DPP10: variants seen among roughly 807,000 people sequenced by gnomAD.
The protein encoded by DPP10 is dipeptidyl peptidase like 10.
A neutral mutation model predicts 120.9 loss-of-function variants in DPP10; 33 were observed. The ratio of observed to expected loss-of-function variants is 0.27; its 90% CI spans 0.21 to 0.37. The LOEUF (loss-of-function observed/expected upper bound fraction) is 0.37, where lower values mean the gene tolerates loss of function less well. DPP10 is among the 10% of genes least tolerant of loss of function. The pLI is 1.00. For missense variants in DPP10, 816 were observed against 942.8 expected, an observed-to-expected ratio of 0.87 and a Z score of 1.76; for synonymous variants, 337 against 326.1, an observed-to-expected ratio of 1.03 and a Z score of -0.36.
intron 1 of DPP10, among the ~76,000 whole-genome samples, chr2:115,256,157 C>A (rs1192923038): frequency 1.3e-5 from 2 of 152,104 alleles, no homozygotes; most frequent in African/African-American, 2.4e-5. Context: ...AGGAAACTTA[C>A]AATCATGATG....
chr2:114,563,098 G>A (rs1476435283), intron 1 of DPP10, among the ~76,000 whole-genome samples: 7 of 152,234 alleles, frequency 4.6e-5, no homozygotes, highest in Non-Finnish European at 1.0e-4. Flanking sequence ...AACTGGCTGG[G>A]CGCAGTGGCT....
chr2:114,673,419 CTTTTTCT>C (rs1031600585), intron 1 of DPP10, among the ~76,000 whole-genome samples: 1 of 151,936 alleles, frequency 6.6e-6, no homozygotes, highest in Non-Finnish European at 1.5e-5. Context: ...TTTTTATTAC[CTTTTTCT>C]TTTTTCTTTT....
chr2:115,833,944 G>C (rs1689185910), intron 21 of DPP10, among the ~76,000 whole-genome samples: 2 of 151,958 alleles, frequency 1.3e-5, no homozygotes, highest in East Asian at 1.9e-4. Context: ...TCTTTCTTAG[G>C]TAGGTTAATA....
At chr2:114,545,684 A>G (rs974394433) in intron 1 of DPP10, among the ~76,000 whole-genome samples, 3 of 152,158 alleles carry the variant, frequency 2.0e-5, no homozygotes, top group Non-Finnish European at 4.4e-5. Context: ...TACCCACTCT[A>G]TAAAGTCTGT....
intron 1 of DPP10, among the ~76,000 whole-genome samples, chr2:115,137,120 G>T (rs963738583): frequency 1.3e-5 from 2 of 152,166 alleles, no homozygotes; most frequent in Admixed American, 6.6e-5. Context: ...GTGGGAAGAG[G>T]AGGTCATCTG....
chr2:114,685,159 T>G (rs1699280724), intron 1 of DPP10, among the ~76,000 whole-genome samples: 1 of 151,982 alleles, frequency 6.6e-6, no homozygotes, highest in Admixed American at 6.6e-5. Flanking sequence ...TGATTCCTCT[T>G]TCTCTTCCTA....
intron 1 of DPP10, among the ~76,000 whole-genome samples, chr2:114,487,273 A>T (rs1681597019): frequency 6.6e-6 from 1 of 152,214 alleles, no homozygotes; most frequent in African/African-American, 2.4e-5. Flanking sequence ...TTTGCATGCA[A>T]ATAAATAATA....
intron 1 of DPP10, among the ~76,000 whole-genome samples, chr2:114,984,009 G>A (rs1352309113): frequency 6.6e-6 from 1 of 152,074 alleles, no homozygotes; most frequent in Non-Finnish European, 1.5e-5. Flanking sequence ...AAATGGTATG[G>A]GTGCTTAGAA....
At chr2:115,676,237 A>G (rs1336972252) in intron 5 of DPP10, among the ~76,000 whole-genome samples, 2 of 152,214 alleles carry the variant, frequency 1.3e-5, no homozygotes, top group African/African-American at 4.8e-5. Context: ...ATAATCACAG[A>G]ATGGCCACAA....
chr2:114,503,660 AG>A (rs1683392103), intron 1 of DPP10, among the ~76,000 whole-genome samples: 1 of 152,190 alleles, frequency 6.6e-6, no homozygotes, highest in Non-Finnish European at 1.5e-5. Context: ...CAAGAAGGGA[AG>A]GGGGTTGGAT....
intron 1 of DPP10, among the ~76,000 whole-genome samples, chr2:114,970,723 T>C (rs1315947967): frequency 6.6e-6 from 1 of 152,180 alleles, no homozygotes; most frequent in African/African-American, 2.4e-5. Flanking sequence ...CTAAATAAAT[T>C]AGGATTTAAC....
At chr2:114,639,801 A>C (rs898569239) in intron 1 of DPP10, among the ~76,000 whole-genome samples, 1 of 151,984 alleles carries the variant, frequency 6.6e-6, no homozygotes, top group African/African-American at 2.4e-5. Context: ...TTACCTTAAC[A>C]TAGATTGTTT....
At chr2:115,383,186 A>C (rs1432770131) in intron 3 of DPP10, among the ~76,000 whole-genome samples, 2 of 152,268 alleles carry the variant, frequency 1.3e-5, no homozygotes, top group Non-Finnish European at 2.9e-5. Context: ...CCCAAATCTC[A>C]TCTTGAATCC....
At chr2:115,327,331 T>G (rs895889713) in intron 2 of DPP10, among the ~76,000 whole-genome samples, 1 of 152,062 alleles carries the variant, frequency 6.6e-6, no homozygotes, top group Admixed American at 6.6e-5. Context: ...TCCCTGTCAT[T>G]TAGTGACATG....
intron 3 of DPP10, among the ~76,000 whole-genome samples, chr2:115,485,520 T>A (rs1264436817): frequency 6.6e-6 from 1 of 152,146 alleles, no homozygotes; most frequent in Non-Finnish European, 1.5e-5. Flanking sequence ...TTTAATGTTG[T>A]TTCTGTTTAA....
At chr2:115,700,086 G>T (rs938931272) in intron 7 of DPP10, among the ~76,000 whole-genome samples, 2 of 152,158 alleles carry the variant, frequency 1.3e-5, no homozygotes, top group Non-Finnish European at 2.9e-5. Context: ...AGCAGAGGAA[G>T]GGGGTGAGAG....
chr2:115,134,904 A>C (rs1238810188), intron 1 of DPP10, among the ~76,000 whole-genome samples: 1 of 152,174 alleles, frequency 6.6e-6, no homozygotes, highest in Non-Finnish European at 1.5e-5. Flanking sequence ...CTGGGAGAGA[A>C]TCAGCAAGAG....
intron 1 of DPP10, among the ~76,000 whole-genome samples, chr2:114,487,208 G>A (rs1006224501): frequency 2.0e-5 from 3 of 152,036 alleles, no homozygotes; most frequent in South Asian, 2.1e-4. Context: ...TTTCCTGTAC[G>A]GATAGTTGCT....
chr2:114,487,310 G>T (rs1274297271), intron 1 of DPP10, among the ~76,000 whole-genome samples: 1 of 152,044 alleles, frequency 6.6e-6, no homozygotes, highest in African/African-American at 2.4e-5. Context: ...GAAGTATCAG[G>T]GCCCACAAAT....
Sources: allele counts gnomAD v4.1 joint callset (sites outside exome capture counted in the v4.1 genomes callset), GRCh38; gene constraint gnomAD v4.1.1; transcripts MANE v1.5; gene names NCBI Gene and HGNC (gene_info 2026-07-23, HGNC 2026-07-21).